The following CRIM1 variants were observed in gnomAD, a reference collection of about 807,000 sequenced individuals.
CRIM1 encodes cysteine rich transmembrane BMP regulator 1, also known as cysteine-rich motor neuron 1 protein.
A neutral mutation model predicts 116.4 loss-of-function variants in CRIM1; 32 were observed. That is an observed-to-expected ratio of 0.27 (90% CI 0.21 to 0.37). CRIM1 has a LOEUF of 0.37. Ranked by LOEUF, CRIM1 falls within the 10% of genes least tolerant of loss-of-function variation. CRIM1 has a pLI of 1.00. For synonymous variants in CRIM1, 590 were observed against 509.2 expected, an observed-to-expected ratio of 1.16 and a Z score of -2.13; for missense variants, 1,331 against 1,354.8, an observed-to-expected ratio of 0.98 and a Z score of 0.28.
chr2:36,535,667 C>A (rs982604628), intron 13 of CRIM1, among the ~76,000 whole-genome samples: 1 of 152,138 alleles, frequency 6.6e-6, no homozygotes, highest in Non-Finnish European at 1.5e-5. Context: ...GTTTCTAACA[C>A]CCTCCCAATG....
At chr2:36,426,354 G>T (rs1674447780) in intron 2 of CRIM1, among the ~76,000 whole-genome samples, 1 of 152,128 alleles carries the variant, frequency 6.6e-6, no homozygotes, top group Non-Finnish European at 1.5e-5. Context: ...CATTAATCTT[G>T]AAGGTCATTT....
intron 13 of CRIM1, among the ~76,000 whole-genome samples, chr2:36,531,462 G>C (rs900452601): frequency 1.3e-5 from 2 of 151,784 alleles, no homozygotes; most frequent in African/African-American, 4.8e-5. Flanking sequence ...TTTCAGAGCA[G>C]GGCTGTGCCA....
intron 4 of CRIM1, among the ~76,000 whole-genome samples, chr2:36,453,066 T>C (rs1327508175): frequency 6.6e-6 from 1 of 152,230 alleles, no homozygotes; most frequent in Non-Finnish European, 1.5e-5. Flanking sequence ...CTACCTGTAA[T>C]GAAAATACCA....
intron 7 of CRIM1, among the ~76,000 whole-genome samples, chr2:36,487,965 A>C (rs960371071): frequency 6.6e-6 from 1 of 152,170 alleles, no homozygotes; most frequent in Non-Finnish European, 1.5e-5. Flanking sequence ...TGCCTACAGA[A>C]ACAGGTCAAA....
Position 36,477,063 on chromosome 2 carries a change from T to G in CRIM1, c.1166T>G (p.Val389Gly). 1.2e-6 allele frequency: 2 copies of G among 1,607,676 alleles called. No individual in the cohort carries two copies. Among genetic ancestry groups the G allele is most frequent in the Non-Finnish European group, 1.7e-6 (2 of 1,177,510 alleles). The change falls in exon 6 of 17, where the codon GTG becomes GGG. Residue 389 changes from valine to glycine, a missense_variant. Physicochemically the swap from Val to Gly is moderately radical, Grantham distance 109. This residue lies in a region of CRIM1 where 690 missense variants were observed against 676.0 expected (regional missense o/e 1.02). Transcript: ENST00000280527. ...YYVPEGECCP[V>G]CEDPVYPFNN... ...GTGCCCGAAGGAGAGTGCTGCCCAG[T>G]GTGTGAAGGTAAGAAAAGGTGCTAA...
At chr2:36,522,069 G>A in intron 12 of CRIM1, 23 bp from the exon 13 acceptor site, 7 of 1,604,672 alleles carry the variant, frequency 4.4e-6, no homozygotes, top group Non-Finnish European at 6.0e-6. Flanking sequence ...CTTCTTTGCT[G>A]ACCTATATGT....
intron 4 of CRIM1, among the ~76,000 whole-genome samples, chr2:36,453,577 C>G (rs968848637): frequency 2.0e-5 from 3 of 152,272 alleles, no homozygotes; most frequent in African/African-American, 7.2e-5. Flanking sequence ...ATCAAAACCC[C>G]ATAGTGTTCT....
At chr2:36,364,137 A>C (rs558830351) in intron 1 of CRIM1, among the ~76,000 whole-genome samples, 1 of 152,316 alleles carries the variant, frequency 6.6e-6, no homozygotes, top group East Asian at 1.9e-4. Context: ...GTGTGCACAC[A>C]AATCACCTAG....
At chr2:36,396,496 A>G in intron 1 of CRIM1, 118 bp from the exon 2 acceptor site, 1 of 612,346 alleles carries the variant, frequency 1.6e-6, no homozygotes, top group South Asian at 3.2e-5. Flanking sequence ...ACTGCCTTTC[A>G]CAAATTGATT....
chr2:36,385,068 A>G (rs1186513832), intron 1 of CRIM1, among the ~76,000 whole-genome samples: 1 of 150,520 alleles, frequency 6.6e-6, no homozygotes. Context: ...AAGACCAAAC[A>G]CAATCTTGCT....
chr2:36,492,472 AT>A lies in CRIM1; in HGVS notation c.1373-6735del, dbSNP rs554887272. Among the ~76,000 whole-genome samples, 118 of 147,780 alleles carry A rather than the reference AT, an allele frequency of 8.0e-4. 1 individual carries two copies. The highest frequency in any genetic ancestry group is 6.4e-4 in the South Asian group (3 of 4,654). On this transcript the variant is annotated intron_variant, in intron 7 of 16. Coordinates refer to ENST00000280527, the MANE Select transcript of CRIM1 (RefSeq NM_016441.3). ...AGATTAGGGAATTTTTGTATCTTCAATTTTTTTTTTTTCTTATTGTCTGCTT... is the reference window on the plus strand; with the variant it reads ...AGATTAGGGAATTTTTGTATCTTCAATTTTTTTTTTTCTTATTGTCTGCTT...
At chr2:36,535,557 G>T (rs1020028506) in intron 13 of CRIM1, among the ~76,000 whole-genome samples, 2 of 152,158 alleles carry the variant, frequency 1.3e-5, no homozygotes, top group Non-Finnish European at 2.9e-5. Flanking sequence ...AATGCCCCTT[G>T]TTGAACCTTA....
At chr2:36,481,632 A>G (rs1679424630) in intron 7 of CRIM1, among the ~76,000 whole-genome samples, 1 of 152,210 alleles carries the variant, frequency 6.6e-6, no homozygotes, top group Admixed American at 6.5e-5. Flanking sequence ...ACCCAATTTC[A>G]TTTAACCTTC....
At chr2:36,454,434 G>C (rs1676981049) in intron 4 of CRIM1, among the ~76,000 whole-genome samples, 1 of 152,092 alleles carries the variant, frequency 6.6e-6, no homozygotes, top group African/African-American at 2.4e-5. Flanking sequence ...AGTTAGAGAA[G>C]GCATCATGGA....
At chr2:36,429,050 A>G (rs1401553232) in intron 2 of CRIM1, among the ~76,000 whole-genome samples, 2 of 152,178 alleles carry the variant, frequency 1.3e-5, no homozygotes, top group African/African-American at 2.4e-5. Context: ...CACAGTTGGA[A>G]TACCATATGG....
At chr2:36,390,530 TAAAC>T (rs1432231560) in intron 1 of CRIM1, among the ~76,000 whole-genome samples, 1 of 152,156 alleles carries the variant, frequency 6.6e-6, no homozygotes, top group Non-Finnish European at 1.5e-5. Context: ...TTACCAGAAT[TAAAC>T]ATAACATCCA....
Position 36,517,427 on chromosome 2 carries a change from C to A in CRIM1, c.2091C>A (p.Ser697=). The A allele has an allele frequency of 6.2e-7, 1 of 1,614,248 alleles. No homozygotes were observed. Among genetic ancestry groups the A allele is most frequent in the South Asian group, 1.1e-5 (1 of 91,090 alleles). Residue 697 remains serine (S), a synonymous_variant, in exon 12 of 17, where the codon TCC becomes TCA. Coordinates refer to ENST00000280527, the MANE Select transcript of CRIM1 (RefSeq NM_016441.3). ...FVEGETWNID[S]CTQCTCHSGR... ...AAGGAGAAACGTGGAACATTGACTC[C>A]TGTACTCAGTGCACCTGCCACAGCG... is the stretch of plus-strand genomic sequence containing the variant.
intron 1 of CRIM1, among the ~76,000 whole-genome samples, chr2:36,391,157 T>C (rs995384104): frequency 8.6e-6 from 1 of 115,714 alleles, no homozygotes; most frequent in Non-Finnish European, 1.7e-5. Flanking sequence ...TGAGTTGGAG[T>C]CTTGCTCTGT....
chr2:36,425,002 C>T (rs566913986), intron 2 of CRIM1, among the ~76,000 whole-genome samples: 15 of 152,258 alleles, frequency 9.9e-5, no homozygotes, highest in South Asian at 6.2e-4. Flanking sequence ...CAAGAGGACA[C>T]GGAAGCCCAT....
Sources: gnomAD v4.1 joint callset for allele counts (sites outside exome capture counted in the v4.1 genomes callset) on GRCh38, gnomAD v4.1.1 for gene constraint, gnomAD v4.1.1 regional missense constraint, MANE v1.5 for transcripts, NCBI Gene and HGNC (gene_info 2026-07-23, HGNC 2026-07-21) for gene names.